Variants in HELLS observed in about 807,000 individuals in gnomAD.
The protein encoded by HELLS is helicase, lymphoid specific.
In HELLS, 32 loss-of-function variants were observed where a neutral mutation model predicts 120.0. The observed-to-expected ratio is 0.27, with a 90% confidence interval of 0.20 to 0.36. HELLS has a LOEUF of 0.36. Among genes scored for constraint, HELLS ranks in the 10% least tolerant of loss-of-function variants. The pLI is 1.00. For missense variants in HELLS, 650 were observed against 993.4 expected, an observed-to-expected ratio of 0.65 and a Z score of 4.65; for synonymous variants, 341 against 323.4, an observed-to-expected ratio of 1.05 and a Z score of -0.58.
intron 16 of HELLS, 37 bp downstream of exon 16, chr10:94,592,349 AT>A (rs748752044): frequency 6.3e-7 from 1 of 1,582,972 alleles, no homozygotes. Flanking sequence ...TTGTTCAATT[AT>A]TTTTTTATCA....
In HELLS at chr10:94,554,180, C is replaced by T; in HGVS notation, c.208C>T (p.His70Tyr). 1 of 1,576,076 alleles carries T rather than the reference C, an allele frequency of 6.3e-7. No homozygotes were observed. The highest frequency in any genetic ancestry group is 8.6e-7 in the Non-Finnish European group (1 of 1,165,844). Residue 70 changes from histidine (H) to tyrosine (Y), a missense_variant, in exon 3 of 22, where the codon CAT (histidine) becomes TAT (tyrosine). Transcript: ENST00000348459. ...AGAAATTCGGTACCGTAGACTTCAA[C>T]ATTTGCTTGAAAAAAGCAATATATA... The part of the protein sequence containing the change: ...STEIRYRRLQ[H>Y]LLEKSNIYSK...
chr10:94,582,431 G>A (rs1057504021), intron 11 of HELLS, among the ~76,000 whole-genome samples: 1 of 152,006 alleles, frequency 6.6e-6, no homozygotes, highest in African/African-American at 2.4e-5. Flanking sequence ...TTCCAGAATT[G>A]GGTATAATGT....
intron 19 of HELLS, among the ~76,000 whole-genome samples, chr10:94,596,092 CT>C (rs1228590051): frequency 6.6e-6 from 1 of 152,052 alleles, no homozygotes; most frequent in Non-Finnish European, 1.5e-5. Flanking sequence ...AAGTGTTGGG[CT>C]TATAGGTGTG....
chr10:94,591,399 G>A (rs1845481744), intron 15 of HELLS, among the ~76,000 whole-genome samples: 1 of 152,164 alleles, frequency 6.6e-6, no homozygotes, highest in Non-Finnish European at 1.5e-5. Flanking sequence ...TTCTTGGGTA[G>A]TTGATAGAAT....
intron 2 of HELLS, 81 bp from the exon 3 acceptor site, chr10:94,554,045 C>T: frequency 7.7e-6 from 9 of 1,176,084 alleles, no homozygotes; most frequent in South Asian, 1.6e-5. Flanking sequence ...TTATTTTAGC[C>T]ATTTTTATTA....
At chr10:94,564,379 C>T (rs1251436208) in intron 6 of HELLS, among the ~76,000 whole-genome samples, 1 of 152,132 alleles carries the variant, frequency 6.6e-6, no homozygotes. Context: ...CGAGTCTGAG[C>T]CTGGCCTAGT....
intron 8 of HELLS, among the ~76,000 whole-genome samples, chr10:94,607,354 C>T (rs993735351): frequency 3.3e-5 from 5 of 152,128 alleles, no homozygotes; most frequent in South Asian, 2.1e-4. Flanking sequence ...GCCATTGCTT[C>T]TATTTTATTG....
chr10:94,605,725 G>A (rs184530692), downstream of HELLS, among the ~76,000 whole-genome samples: 5 of 144,616 alleles, frequency 3.5e-5, no homozygotes, highest in East Asian at 4.2e-4. Flanking sequence ...TTGACCTCCC[G>A]GGCTCAAGTG....
In HELLS at chr10:94,563,104, C is replaced by CT. The variant is rs752391404; in HGVS notation, c.435+242dup. Among the ~76,000 whole-genome samples, 1,147 of 144,542 alleles carry CT rather than the reference C, an allele frequency of 7.9e-3. 4 individuals are homozygous for CT. The highest frequency in any genetic ancestry group is 0.013 in the African/African-American group (526 of 39,742). 94.8% of individuals were successfully genotyped at this position (144,542 alleles called of 152,430 possible). On this transcript the variant is annotated intron_variant, in intron 6 of 21. Coordinates refer to ENST00000348459, the MANE Select transcript of HELLS (RefSeq NM_018063.5). ...ACTAATGTCATCTGACCTTCATAGA[C>CT]TTTTTTTTTTTTTTGAGATGGAGCT...
At chr10:94,558,081 G>GT (rs200645462) in intron 3 of HELLS, 58 bp from the exon 4 acceptor site, 58,322 of 1,368,272 alleles carry the variant, frequency 0.043, 665 homozygotes, top group Middle Eastern at 0.11. Flanking sequence ...ATTGATATGC[G>GT]TTTTTTTTTT....
intron 4 of HELLS, among the ~76,000 whole-genome samples, chr10:94,559,619 T>C (rs772269484): frequency 9.9e-5 from 15 of 151,832 alleles, no homozygotes; most frequent in Non-Finnish European, 1.3e-4. Context: ...CTAATTTTTG[T>C]ATTTTTAGTA....
intron 2 of HELLS, among the ~76,000 whole-genome samples, chr10:94,549,514 G>A (rs562898514): frequency 1.7e-4 from 26 of 152,250 alleles, no homozygotes; most frequent in Admixed American, 1.2e-3. Flanking sequence ...AGTGGAGGAG[G>A]GGGAATAGTT....
At chr10:94,571,143 G>T in intron 6 of HELLS, 2 of 313,958 alleles carry the variant, frequency 6.4e-6, no homozygotes, top group East Asian at 1.5e-4. Flanking sequence ...AAGAAAAGCT[G>T]GAAAATCACT....
intron 2 of HELLS, among the ~76,000 whole-genome samples, chr10:94,549,823 C>T (rs1842897151): frequency 6.6e-6 from 1 of 152,000 alleles, no homozygotes; most frequent in Non-Finnish European, 1.5e-5. Flanking sequence ...TACAGAAGAC[C>T]AGGTTTAAGG....
intron 9 of HELLS, 39 bp from the exon 10 acceptor site, chr10:94,576,623 G>T (rs997145237): frequency 2.5e-6 from 3 of 1,191,250 alleles, no homozygotes; most frequent in Admixed American, 2.3e-5. Context: ...TTTACATTTT[G>T]TTCTTAAGTC....
At chr10:94,579,120 A>G (rs549703034) in intron 10 of HELLS, among the ~76,000 whole-genome samples, 1 of 152,048 alleles carries the variant, frequency 6.6e-6, no homozygotes, top group African/African-American at 2.4e-5. Context: ...TAAAAGTAAT[A>G]TATACCAATT....
At chr10:94,561,129 A>G (rs1326315658) in intron 4 of HELLS, among the ~76,000 whole-genome samples, 3 of 151,660 alleles carry the variant, frequency 2.0e-5, no homozygotes, top group Non-Finnish European at 4.4e-5. Flanking sequence ...AGACTTACCT[A>G]GGGCTTTTCA....
At chr10:94,572,913 A>G (rs895248732) in intron 7 of HELLS, among the ~76,000 whole-genome samples, 1 of 152,132 alleles carries the variant, frequency 6.6e-6, no homozygotes, top group African/African-American at 2.4e-5. Context: ...CCTAATTACT[A>G]CTGAAGTAGA....
Position 94,596,854 on chromosome 10 carries a change from T to C in HELLS, c.2249-6T>C. 1 of 1,365,488 alleles carries C rather than the reference T, an allele frequency of 7.3e-7. No individual in the cohort carries two copies. 84.6% of individuals were successfully genotyped at this position (1,365,488 alleles called of 1,614,324 possible). On this transcript the variant is annotated splice_polypyrimidine_tract_variant and splice_region_variant and intron_variant, in intron 19 of 21. Coordinates refer to ENST00000348459, the MANE Select transcript of HELLS (RefSeq NM_018063.5). Reference sequence around the variant, plus strand: ...TTTAATGTTTTTAATTTCTCATTTTTTTTAGATCATTTCAAAGGTGGTCAG... The same window carrying C: ...TTTAATGTTTTTAATTTCTCATTTTCTTTAGATCATTTCAAAGGTGGTCAG...
Sources: gnomAD v4.1 joint callset for allele counts (sites outside exome capture counted in the v4.1 genomes callset) on GRCh38, gnomAD v4.1.1 for gene constraint, MANE v1.5 for transcripts, NCBI Gene and HGNC (gene_info 2026-07-23, HGNC 2026-07-21) for gene names.